DGKB: variants seen among roughly 807,000 people sequenced by gnomAD.
DGKB encodes the protein 90 kDa diacylglycerol kinase.
A neutral mutation model predicts 114.3 loss-of-function variants in DGKB; 67 were observed. The ratio of observed to expected loss-of-function variants is 0.59; its 90% confidence interval spans 0.48 to 0.72. DGKB has a LOEUF of 0.72. Among genes scored for constraint, DGKB ranks in the 30% least tolerant of loss-of-function variants. DGKB has a pLI of 0.00. For synonymous variants in DGKB, 398 were observed against 323.1 expected (o/e 1.23, Z -2.49); for missense variants, 907 against 975.2 (o/e 0.93, Z 0.93).
chr7:14,253,488 C>A (rs780260015), intron 23 of DGKB, among the ~76,000 whole-genome samples: 1 of 152,226 alleles, frequency 6.6e-6, no homozygotes, highest in Non-Finnish European at 1.5e-5. Context: ...TCTAACAATT[C>A]GTTAAGGGCC....
intron 25 of DGKB, among the ~76,000 whole-genome samples, chr7:14,152,312 T>C (rs371905226): frequency 2.0e-5 from 3 of 152,190 alleles, no homozygotes; most frequent in African/African-American, 4.8e-5. Flanking sequence ...GCACTGGCTG[T>C]GAACAAGGCA....
chr7:14,743,519 A>G (rs914333737), intron 4 of DGKB, among the ~76,000 whole-genome samples: 2 of 152,172 alleles, frequency 1.3e-5, no homozygotes, highest in African/African-American at 2.4e-5. Flanking sequence ...CCTGACCCCT[A>G]GCTTTTGGAT....
At chr7:14,496,910 G>T (rs1378266503) in intron 20 of DGKB, among the ~76,000 whole-genome samples, 1 of 151,762 alleles carries the variant, frequency 6.6e-6, no homozygotes, top group East Asian at 1.9e-4. Context: ...TTATGTGAGG[G>T]TGCTTCAAGG....
chr7:14,219,938 A>G (rs975818864), intron 23 of DGKB, among the ~76,000 whole-genome samples: 5 of 151,496 alleles, frequency 3.3e-5, no homozygotes, highest in African/African-American at 1.2e-4. Context: ...TTTTTAGTTA[A>G]TTTTTCTATA....
At chr7:14,952,691 G>A (rs1215166762) in intron 1 of DGKB, among the ~76,000 whole-genome samples, 1 of 151,970 alleles carries the variant, frequency 6.6e-6, no homozygotes, top group Non-Finnish European at 1.5e-5. Flanking sequence ...GGGAGGAAGA[G>A]GTTGCAGCAG....
intron 23 of DGKB, among the ~76,000 whole-genome samples, chr7:14,286,183 AATCT>A (rs1400440700): frequency 6.6e-6 from 1 of 152,202 alleles, no homozygotes; most frequent in East Asian, 1.9e-4. Context: ...CCCTACATGA[AATCT>A]ATCTTATAGA....
At chr7:14,485,728 T>C (rs1783701076) in intron 20 of DGKB, among the ~76,000 whole-genome samples, 1 of 106,724 alleles carries the variant, frequency 9.4e-6, no homozygotes. Flanking sequence ...CTACTAAAAA[T>C]ACAGAAAAAA....
At chr7:14,832,191 G>C (rs1049842919) in intron 2 of DGKB, among the ~76,000 whole-genome samples, 3 of 151,968 alleles carry the variant, frequency 2.0e-5, no homozygotes, top group Non-Finnish European at 4.4e-5. Context: ...GGTTACATAA[G>C]TTGCTGACGG....
At chr7:14,359,299 C>T (rs947238415) in intron 21 of DGKB, among the ~76,000 whole-genome samples, 1 of 152,096 alleles carries the variant, frequency 6.6e-6, no homozygotes, top group Non-Finnish European at 1.5e-5. Flanking sequence ...CTTCCTTACA[C>T]CTTATACAAA....
intron 19 of DGKB, among the ~76,000 whole-genome samples, chr7:14,575,683 A>G (rs1397031150): frequency 4.6e-5 from 7 of 152,192 alleles, no homozygotes; most frequent in African/African-American, 1.7e-4. Flanking sequence ...ACTAAGTTAA[A>G]TCATCTCTCT....
chr7:14,860,910 A>G (rs1268910437), intron 1 of DGKB, among the ~76,000 whole-genome samples: 2 of 151,946 alleles, frequency 1.3e-5, no homozygotes, highest in Non-Finnish European at 2.9e-5. Context: ...TATTAAGATA[A>G]TAGATTTTTC....
chr7:14,304,091 T>TCACA (rs1554339389), intron 23 of DGKB, among the ~76,000 whole-genome samples: 6,199 of 57,710 alleles, frequency 0.11, 477 homozygotes, highest in African/African-American at 0.27. Flanking sequence ...ACACACACTC[T>TCACA]CTCTCTCTCA....
chr7:14,679,826 A>T (rs1820523958), intron 12 of DGKB, among the ~76,000 whole-genome samples: 1 of 152,054 alleles, frequency 6.6e-6, no homozygotes, highest in Admixed American at 6.6e-5. Flanking sequence ...AAAACTATAA[A>T]TACTACTAAA....
intron 22 of DGKB, among the ~76,000 whole-genome samples, chr7:14,343,157 C>CCACACACACACA (rs3067654): frequency 0.023 from 3,068 of 132,858 alleles, 55 homozygotes; most frequent in African/African-American, 0.046. Context: ...GCCTAGCTAT[C>CCACACACACACA]CACACACACA....
At chr7:14,865,830 G>A (rs943778428) in intron 1 of DGKB, among the ~76,000 whole-genome samples, 1 of 152,184 alleles carries the variant, frequency 6.6e-6, no homozygotes, top group African/African-American at 2.4e-5. Flanking sequence ...TAAAATGAGA[G>A]AGGTAAGGTT....
intron 21 of DGKB, among the ~76,000 whole-genome samples, chr7:14,433,802 T>C (rs930015063): frequency 6.7e-6 from 1 of 149,554 alleles, no homozygotes; most frequent in African/African-American, 2.4e-5. Context: ...TTTGTAATAT[T>C]TGCATATATA....
At chr7:14,798,156 G>A (rs986412919) in intron 2 of DGKB, among the ~76,000 whole-genome samples, 5 of 152,254 alleles carry the variant, frequency 3.3e-5, no homozygotes, top group Middle Eastern at 3.4e-3. Flanking sequence ...GAGAGAGTGG[G>A]TACGATGGGG....
At chr7:14,273,480 A>T (rs557023963) in intron 23 of DGKB, among the ~76,000 whole-genome samples, 3 of 152,348 alleles carry the variant, frequency 2.0e-5, no homozygotes, top group South Asian at 2.1e-4. Flanking sequence ...TAGTTTATGG[A>T]TTCAGGGTCA....
intron 24 of DGKB, among the ~76,000 whole-genome samples, chr7:14,177,542 G>A (rs1029076365): frequency 1.2e-5 from 1 of 82,648 alleles, no homozygotes; most frequent in Non-Finnish European, 2.3e-5. Context: ...CAACAAGAGT[G>A]AAACTCCGTC....
Sources: gnomAD v4.1 joint callset for allele counts (sites outside exome capture counted in the v4.1 genomes callset) on GRCh38, gnomAD v4.1.1 for gene constraint, MANE v1.5 for transcripts, NCBI Gene and HGNC (gene_info 2026-07-23, HGNC 2026-07-21) for gene names.